The following DDX60 variants were observed in gnomAD, a reference collection of about 807,000 sequenced individuals.
DDX60 encodes probable ATP-dependent RNA helicase DDX60.
A neutral mutation model predicts 212.8 loss-of-function variants in DDX60; 165 were observed. The ratio of observed to expected loss-of-function variants is 0.78; its 90% CI spans 0.68 to 0.88. The LOEUF (loss-of-function observed/expected upper bound fraction) is 0.88. Among genes scored for constraint, DDX60 ranks in the 40% least tolerant of loss-of-function variants. DDX60 has a pLI of 0.00. For missense variants in DDX60, 1,905 were observed against 2,003.9 expected, an observed-to-expected ratio of 0.95 and a Z score of 0.94; for synonymous variants, 703 against 685.3, an observed-to-expected ratio of 1.03 and a Z score of -0.40.
At chr4:168,242,357 T>C (rs913761061) in intron 30 of DDX60, among the ~76,000 whole-genome samples, 5 of 152,162 alleles carry the variant, frequency 3.3e-5, no homozygotes, top group East Asian at 1.9e-4. Flanking sequence ...CAGCTTGCGC[T>C]GTGTGCCCGG....
chr4:168,241,893 C>T (rs187336781), intron 30 of DDX60, among the ~76,000 whole-genome samples: 1 of 152,226 alleles, frequency 6.6e-6, no homozygotes, highest in Non-Finnish European at 1.5e-5. Context: ...CCCCTTTCAT[C>T]ACAGGCCCAG....
At chr4:168,283,221 A>G (rs11735578) in intron 13 of DDX60, among the ~76,000 whole-genome samples, 56,272 of 152,018 alleles carry the variant, frequency 0.37, 10,817 homozygotes, top group African/African-American at 0.47. Flanking sequence ...TATTCTTCAA[A>G]GAGATACATA....
chr4:168,277,592 C>A (rs1027879493), intron 14 of DDX60, among the ~76,000 whole-genome samples: 1 of 151,906 alleles, frequency 6.6e-6, no homozygotes, highest in Non-Finnish European at 1.5e-5. Flanking sequence ...AATCCCAGCA[C>A]TTTGGGAGGC....
chr4:168,238,653 TA>T (rs1162925040), intron 30 of DDX60, among the ~76,000 whole-genome samples: 111 of 152,194 alleles, frequency 7.3e-4, no homozygotes, highest in African/African-American at 2.6e-3. Flanking sequence ...ATATGCCACA[TA>T]TAGTCAGAGA....
intron 7 of DDX60, 143 bp from the exon 8 acceptor site, chr4:168,292,049 C>CA: frequency 3.3e-6 from 1 of 302,362 alleles, no homozygotes. Context: ...TTCTTTCTTT[C>CA]TTTTTTTTTT....
chr4:168,312,530 C>T (rs1737179184), intron 1 of DDX60, among the ~76,000 whole-genome samples: 1 of 151,946 alleles, frequency 6.6e-6, no homozygotes, highest in Non-Finnish European at 1.5e-5. Context: ...GAGGAAGAAT[C>T]CACAAAGGTA....
intron 6 of DDX60, among the ~76,000 whole-genome samples, chr4:168,294,234 C>T (rs1579063699): frequency 6.6e-6 from 1 of 152,160 alleles, no homozygotes; most frequent in East Asian, 1.9e-4. Flanking sequence ...GAAATTAGAT[C>T]CTCACACCAT....
In DDX60 at chr4:168,224,689, T is replaced by C. The variant is rs139187091; in HGVS notation, c.4682-304A>G. Among the ~76,000 whole-genome samples, 1,298 of 152,180 alleles carry C rather than the reference T, an allele frequency of 8.5e-3. 12 individuals are homozygous for C. The highest frequency in any genetic ancestry group is 0.026 in the African/African-American group (1,088 of 41,566). ...ATATACTCTTATCAGAGAATTATTG[T>C]TATTACCTTTGTACTTTTTCTTACT... On this transcript the variant is annotated intron_variant, in intron 34 of 37. Coordinates refer to ENST00000393743, the MANE Select transcript of DDX60 (RefSeq NM_017631.6).
intron 15 of DDX60, 69 bp downstream of exon 15, chr4:168,275,946 T>A: frequency 1.5e-6 from 2 of 1,334,574 alleles, no homozygotes; most frequent in Non-Finnish European, 2.0e-6. Context: ...GAGATGACTA[T>A]CTTTGCAAAA....
chr4:168,287,464 C>T (rs1483805711), intron 9 of DDX60, among the ~76,000 whole-genome samples: 2 of 152,128 alleles, frequency 1.3e-5, no homozygotes, highest in East Asian at 3.8e-4. Context: ...GCATCGTGAA[C>T]ATTTAACTAC....
At chr4:168,287,235 A>T (rs1047278868) in intron 9 of DDX60, 32 bp from the exon 10 acceptor site, 11 of 1,560,562 alleles carry the variant, frequency 7.0e-6, no homozygotes, top group Non-Finnish European at 9.6e-6. Flanking sequence ...TAAATACTAG[A>T]AGCCATCCAC....
chr4:168,306,330 G>T, intron 5 of DDX60, 49 bp downstream of exon 5: 1 of 1,446,548 alleles, frequency 6.9e-7, no homozygotes, highest in South Asian at 1.4e-5. Context: ...AAGTAACTTA[G>T]AACATTTTGA....
intron 10 of DDX60, among the ~76,000 whole-genome samples, chr4:168,286,423 G>GAGAT (rs71977398): frequency 0.11 from 14,596 of 136,836 alleles, 845 homozygotes; most frequent in Middle Eastern, 0.15. Flanking sequence ...CACACCACAC[G>GAGAT]AGATAGATAG....
intron 33 of DDX60, among the ~76,000 whole-genome samples, chr4:168,229,813 A>T (rs1733382398): frequency 6.6e-6 from 1 of 152,136 alleles, no homozygotes; most frequent in Admixed American, 6.5e-5. Context: ...ATGGAAAAAG[A>T]AAAAACAAGG....
Position 168,280,439 on chromosome 4 carries a change from T to C in DDX60, c.1874A>G (p.Asp625Gly), listed in dbSNP as rs1735538805. The C allele has an allele frequency of 6.2e-7, 1 of 1,614,184 alleles. No homozygotes were observed. Among genetic ancestry groups the C allele is most frequent in the Non-Finnish European group, 8.5e-7 (1 of 1,180,018 alleles). Residue 625 changes from aspartate (D) to glycine (G), a missense_variant, in exon 14 of 38, where the codon GAT becomes GGT. Physicochemically the swap from Asp to Gly is moderately conservative, Grantham distance 94. Coordinates refer to ENST00000393743, the MANE Select transcript of DDX60 (RefSeq NM_017631.6). The stretch of plus-strand genomic sequence containing the variant: ...GCTACTTTTACAGGATTTCAAAAAA[T>C]CTTCCAGGCTCTTTATTCCAGAGTG... ...NLHSGIKSLE[D>G]FLKSCKSSCV...
intron 25 of DDX60, among the ~76,000 whole-genome samples, chr4:168,259,227 C>A (rs1734530325): frequency 6.6e-6 from 1 of 152,164 alleles, no homozygotes; most frequent in African/African-American, 2.4e-5. Flanking sequence ...TTTGCCTCCC[C>A]TATATTTGTA....
At chr4:168,300,580 A>ATGTG (rs59696275) in intron 6 of DDX60, among the ~76,000 whole-genome samples, 11,394 of 146,328 alleles carry the variant, frequency 0.078, 654 homozygotes, top group African/African-American at 0.17. Context: ...TAACACCAGA[A>ATGTG]TGTGTGTGTG....
At chr4:168,303,417 C>T (rs534778093) in intron 5 of DDX60, among the ~76,000 whole-genome samples, 1 of 152,162 alleles carries the variant, frequency 6.6e-6, no homozygotes, top group African/African-American at 2.4e-5. Context: ...AACAGTACTT[C>T]CTTCCAATAT....
chr4:168,250,826 A>G, intron 28 of DDX60, 128 bp downstream of exon 28: 4 of 796,400 alleles, frequency 5.0e-6, no homozygotes, highest in Non-Finnish European at 7.7e-6. Context: ...CGCCCGGCCA[A>G]CTTATTTTTT....
Sources: allele counts gnomAD v4.1 joint callset (sites outside exome capture counted in the v4.1 genomes callset), GRCh38; gene constraint gnomAD v4.1.1; transcripts MANE v1.5; gene names NCBI Gene and HGNC (gene_info 2026-07-23, HGNC 2026-07-21).